Variants in MMD observed in about 807,000 individuals in gnomAD.
MMD encodes monocyte to macrophage differentiation associated, also known as monocyte to macrophage differentiation factor.
Under a neutral mutation model 33.6 loss-of-function variants are expected in MMD, and 22 were observed. The ratio of observed to expected loss-of-function variants is 0.66; its 90% CI spans 0.47 to 0.94. MMD has a LOEUF of 0.94. Ranked by LOEUF, MMD falls within the 40% of genes least tolerant of loss-of-function variation. The pLI is 0.00. For synonymous variants in MMD, 97 were observed against 103.2 expected (o/e 0.94, Z 0.36); for missense variants, 242 against 309.8 (o/e 0.78, Z 1.64).
chr17:55,413,924 G>T (rs1236804053), intron 2 of MMD, among the ~76,000 whole-genome samples: 1 of 152,170 alleles, frequency 6.6e-6, no homozygotes, highest in East Asian at 1.9e-4. Context: ...AGAATATCTT[G>T]TTGGAGAAAG....
chr17:55,414,133 TG>T lies in MMD; in HGVS notation c.108+17del, dbSNP rs1907869891. ...AGCCCCGTGGAAAGGATGGCAATGG[TG>T]GAAAACTTGTACTCACTGCGTGTGT... On this transcript the variant is annotated intron_variant, in intron 2 of 6. Coordinates refer to ENST00000262065, the MANE Select transcript of MMD (RefSeq NM_012329.3). 14 of 1,612,632 alleles carry T rather than the reference TG, an allele frequency of 8.7e-6. No individual in the cohort carries two copies. Among genetic ancestry groups the T allele is most frequent in the Non-Finnish European group, 1.2e-5 (14 of 1,178,754 alleles).
At chr17:55,421,025 A>T (rs1361568792) in intron 1 of MMD, among the ~76,000 whole-genome samples, 1 of 152,152 alleles carries the variant, frequency 6.6e-6, no homozygotes, top group Non-Finnish European at 1.5e-5. Flanking sequence ...GAAAGCTAAC[A>T]TGCCCCTTCG....
intron 1 of MMD, among the ~76,000 whole-genome samples, chr17:55,418,295 C>T (rs189293119): frequency 3.9e-5 from 6 of 152,324 alleles, no homozygotes; most frequent in South Asian, 2.1e-4. Flanking sequence ...TGAAGGCTGT[C>T]TTGTTCACCT....
intron 3 of MMD, among the ~76,000 whole-genome samples, chr17:55,410,065 G>A (rs946599947): frequency 6.6e-6 from 1 of 152,058 alleles, no homozygotes; most frequent in African/African-American, 2.4e-5. Flanking sequence ...TAAAAGATAT[G>A]GTGAAAAAAA....
intron 6 of MMD, among the ~76,000 whole-genome samples, chr17:55,395,525 G>C (rs927003037): frequency 1.3e-5 from 2 of 152,206 alleles, no homozygotes; most frequent in Admixed American, 1.3e-4. Context: ...CACCTGATTA[G>C]AATGGGCCCC....
chr17:55,408,082 A>G (rs890315937), intron 3 of MMD, among the ~76,000 whole-genome samples: 2 of 152,216 alleles, frequency 1.3e-5, no homozygotes, highest in African/African-American at 4.8e-5. Context: ...TGATAGTTAG[A>G]AAGCCTGAAG....
intron 2 of MMD, 98 bp from the exon 3 acceptor site, chr17:55,411,515 T>C (rs1598434045): frequency 7.6e-7 from 1 of 1,323,856 alleles, no homozygotes; most frequent in Non-Finnish European, 1.0e-6. Flanking sequence ...ACAATTTTAG[T>C]AAAATAATCT....
At position 55,407,684 on chromosome 17, in the gene MMD, G is replaced by C. The variant is rs909844067; in HGVS notation, c.344+62C>G. The C allele has an allele frequency of 1.4e-5, 21 of 1,451,514 alleles. No individual in the cohort carries two copies. In the African/African-American group the frequency reaches 1.5e-4, roughly 11 times the overall value. 89.9% of individuals were successfully genotyped at this position (1,451,514 alleles called of 1,614,324 possible). ...TGGGGACAAGAGGGAGAAAGGAAAG[G>C]AGGAGTGAGGAATTCTAATCATAAA... On this transcript the variant is annotated intron_variant, in intron 4 of 6. Transcript: ENST00000262065.
At chr17:55,398,186 C>G (rs1907195031) in intron 6 of MMD, among the ~76,000 whole-genome samples, 1 of 149,624 alleles carries the variant, frequency 6.7e-6, no homozygotes. Flanking sequence ...CAATTTCTTT[C>G]TTCTTTTGTT....
intron 2 of MMD, among the ~76,000 whole-genome samples, chr17:55,413,411 GA>G (rs1417063708): frequency 6.6e-6 from 1 of 151,932 alleles, no homozygotes; most frequent in Non-Finnish European, 1.5e-5. Flanking sequence ...ACATTAACAG[GA>G]AAACTGAAAA....
intron 5 of MMD, among the ~76,000 whole-genome samples, chr17:55,403,174 C>A (rs1436797303): frequency 6.6e-6 from 1 of 152,096 alleles, no homozygotes; most frequent in South Asian, 2.1e-4. Context: ...GAATAGGGGA[C>A]CTTGAAGGTC....
chr17:55,406,554 T>A (rs2143138087), intron 4 of MMD, among the ~76,000 whole-genome samples: 1 of 151,792 alleles, frequency 6.6e-6, no homozygotes, highest in East Asian at 2.0e-4. Context: ...GGCAACATAG[T>A]GAGACTCTGT....
At chr17:55,402,598 G>C (rs144494039) in intron 5 of MMD, among the ~76,000 whole-genome samples, 2 of 152,150 alleles carry the variant, frequency 1.3e-5, no homozygotes, top group South Asian at 2.1e-4. Context: ...CTCATTCATC[G>C]TGTTTTATAC....
chr17:55,409,561 G>A (rs1032265529), intron 3 of MMD, among the ~76,000 whole-genome samples: 1 of 152,150 alleles, frequency 6.6e-6, no homozygotes, highest in Admixed American at 6.5e-5. Flanking sequence ...ATCTAGCATA[G>A]TGCCTAGCAC....
chr17:55,404,129 C>A (rs1438905644), intron 4 of MMD, among the ~76,000 whole-genome samples: 1 of 152,060 alleles, frequency 6.6e-6, no homozygotes, highest in African/African-American at 2.4e-5. Context: ...CCGAGGCAGA[C>A]GGATCACTTG....
In MMD at chr17:55,410,985, G is replaced by C. The variant is rs181697769; in HGVS notation, c.269+272C>G. ...GATAGTACTGGAAAATAGCTCTCAGGTTTTTAAGTGGTAAGTCCTGGGGAA... is the reference window on the plus strand; with the variant it reads ...GATAGTACTGGAAAATAGCTCTCAGCTTTTTAAGTGGTAAGTCCTGGGGAA... On this transcript the variant is annotated intron_variant, in intron 3 of 6. Coordinates refer to ENST00000262065, the MANE Select transcript of MMD (RefSeq NM_012329.3). Among the ~76,000 whole-genome samples, 19 of 152,292 alleles carry C rather than the reference G, an allele frequency of 1.2e-4. No individual in the cohort carries two copies. The East Asian group carries it at 2.3e-3, about 19-fold the overall frequency.
intron 2 of MMD, among the ~76,000 whole-genome samples, chr17:55,413,395 A>G (rs919412600): frequency 2.0e-5 from 3 of 152,212 alleles, no homozygotes; most frequent in Non-Finnish European, 2.9e-5. Flanking sequence ...AAATGCCATT[A>G]ATGTCACATT....
At chr17:55,409,454 G>A (rs887271943) in intron 3 of MMD, among the ~76,000 whole-genome samples, 1 of 152,098 alleles carries the variant, frequency 6.6e-6, no homozygotes, top group African/African-American at 2.4e-5. Context: ...ATCTGCCACC[G>A]ACCTCTCTGA....
rs770362528 is a variant in MMD at position 55,394,449 on chromosome 17, A to G, written c.602T>C (p.Ile201Thr). The change falls in exon 7 of 7, where the codon ATT (isoleucine) becomes ACT (threonine). Residue 201 changes from isoleucine to threonine, a missense_variant. Ile to Thr is a moderately conservative substitution (Grantham distance 89). Transcript: ENST00000262065. ...GTGCCAGATGGCGTGGGCAAATGGA[A>G]TGATGCCATCACTCTTGAAGAACAC... Reference protein sequence around the residue: ...GVVFFKSDGIIPFAHAIWHLF... With the variant: ...GVVFFKSDGITPFAHAIWHLF... The G allele has an allele frequency of 1.3e-6, 2 of 1,544,206 alleles. No individual in the cohort carries two copies. The highest frequency in any genetic ancestry group is 2.5e-5 in the South Asian group (2 of 79,960).
Sources: allele counts gnomAD v4.1 joint callset (sites outside exome capture counted in the v4.1 genomes callset), GRCh38; gene constraint gnomAD v4.1.1; transcripts MANE v1.5; gene names NCBI Gene and HGNC (gene_info 2026-07-23, HGNC 2026-07-21).